Variants in MAF observed in about 807,000 individuals in gnomAD.
MAF encodes the protein transcription factor Maf.
In MAF, 10 loss-of-function variants were observed where a neutral mutation model predicts 22.0. That is an observed-to-expected ratio of 0.45 (90% CI 0.28 to 0.77). The LOEUF (loss-of-function observed/expected upper bound fraction) is 0.77. Among genes scored for constraint, MAF ranks in the 30% least tolerant of loss-of-function variants. The pLI is 0.12. For missense variants in MAF, 544 were observed against 548.4 expected (o/e 0.99, Z 0.08); for synonymous variants, 337 against 255.8 (o/e 1.32, Z -3.03).
At chr16:79,427,367 G>A in the MAF span, among the ~76,000 whole-genome samples, 5 of 152,228 alleles carry the variant, frequency 3.3e-5, no homozygotes. Context: ...AACATATGCT[G>A]CTACATCAAC....
the MAF span, among the ~76,000 whole-genome samples, chr16:79,283,492 T>C: frequency 4.7e-4 from 71 of 152,358 alleles, 1 homozygote; most frequent in South Asian, 2.3e-3. Context: ...AGTCCCAAAT[T>C]CTACATCCAA....
At chr16:79,296,120 CTTATCTGTAAAATGGGA>C in the MAF span, among the ~76,000 whole-genome samples, 2 of 152,148 alleles carry the variant, frequency 1.3e-5, no homozygotes, top group African/African-American at 4.8e-5. Flanking sequence ...CTTTCTTAGC[CTTATCTGTAAAATGGGA>C]TTATAGTAAA....
the MAF span, among the ~76,000 whole-genome samples, chr16:79,547,777 C>A: frequency 5.3e-5 from 8 of 152,078 alleles, no homozygotes; most frequent in African/African-American, 1.9e-4. Context: ...GAAAATAAGT[C>A]CAATACTGGA....
chr16:79,560,423 A>G, the MAF span, among the ~76,000 whole-genome samples: 2 of 121,572 alleles, frequency 1.6e-5, no homozygotes, highest in Non-Finnish European at 3.7e-5. Flanking sequence ...AGCAAGCTGA[A>G]AAAAAAAAAA....
the MAF span, among the ~76,000 whole-genome samples, chr16:79,455,425 C>T: frequency 6.6e-6 from 1 of 152,112 alleles, no homozygotes; most frequent in African/African-American, 2.4e-5. Flanking sequence ...CTAGTCTAAA[C>T]CCAGTAGACT....
the MAF span, among the ~76,000 whole-genome samples, chr16:79,551,141 C>A: frequency 2.0e-5 from 3 of 152,272 alleles, no homozygotes; most frequent in South Asian, 4.1e-4. Context: ...TAAGACTACA[C>A]CTCTGCCATT....
chr16:79,291,761 T>C, the MAF span, among the ~76,000 whole-genome samples: 4 of 147,412 alleles, frequency 2.7e-5, no homozygotes, highest in African/African-American at 1.0e-4. Flanking sequence ...CATTCAAAAG[T>C]ATATATTGAG....
chr16:79,301,975 G>A, the MAF span, among the ~76,000 whole-genome samples: 5 of 152,232 alleles, frequency 3.3e-5, no homozygotes, highest in East Asian at 3.8e-4. Flanking sequence ...GTCCTATGCC[G>A]AAGCCTGATG....
chr16:79,417,383 C>T, the MAF span, among the ~76,000 whole-genome samples: 1 of 152,212 alleles, frequency 6.6e-6, no homozygotes, highest in Admixed American at 6.5e-5. Context: ...ATCAAAAGAA[C>T]TCCTGGCAGT....
the MAF span, among the ~76,000 whole-genome samples, chr16:79,418,411 T>C: frequency 6.6e-6 from 1 of 152,096 alleles, no homozygotes; most frequent in Admixed American, 6.5e-5. Flanking sequence ...GGGACGATTA[T>C]TCACTCATTC....
chr16:79,430,230 T>C, the MAF span, among the ~76,000 whole-genome samples: 1 of 152,226 alleles, frequency 6.6e-6, no homozygotes, highest in Non-Finnish European at 1.5e-5. Context: ...AACATCTGCA[T>C]AATTTACTAG....
At chr16:79,430,562 C>G in the MAF span, among the ~76,000 whole-genome samples, 1 of 152,202 alleles carries the variant, frequency 6.6e-6, no homozygotes. Context: ...CCCCTCTGCC[C>G]GGCACACGGC....
the MAF span, among the ~76,000 whole-genome samples, chr16:79,466,548 C>G: frequency 6.6e-6 from 1 of 152,200 alleles, no homozygotes; most frequent in Admixed American, 6.5e-5. Context: ...CGGAGGCAAA[C>G]TTTGGATCTT....
the MAF span, among the ~76,000 whole-genome samples, chr16:79,455,523 T>A: frequency 6.6e-6 from 1 of 152,304 alleles, no homozygotes; most frequent in African/African-American, 2.4e-5. Context: ...CTTCAACTCC[T>A]CTAGTCTTCC....
At chr16:79,467,516 A>G in the MAF span, among the ~76,000 whole-genome samples, 2 of 152,210 alleles carry the variant, frequency 1.3e-5, no homozygotes, top group African/African-American at 4.8e-5. Flanking sequence ...AATTTGTCCG[A>G]AACCATACAG....
chr16:79,533,167 G>T, the MAF span, among the ~76,000 whole-genome samples: 2 of 152,128 alleles, frequency 1.3e-5, no homozygotes, highest in Admixed American at 6.5e-5. Flanking sequence ...CATTAGCCAA[G>T]AAATTATTTA....
At chr16:79,372,898 G>C in the MAF span, among the ~76,000 whole-genome samples, 75 of 152,104 alleles carry the variant, frequency 4.9e-4, no homozygotes, top group Non-Finnish European at 1.0e-3. Context: ...GCCTGCACTT[G>C]CCTCTTTCTA....
At chr16:79,212,124 G>A in the MAF span, 3 of 1,532,812 alleles carry the variant, frequency 2.0e-6, no homozygotes, top group Non-Finnish European at 1.7e-6. Context: ...TACTGTTATA[G>A]AATAGCCTGA....
the MAF span, among the ~76,000 whole-genome samples, chr16:79,236,942 C>CG: frequency 4.4e-5 from 3 of 68,104 alleles, no homozygotes; most frequent in Non-Finnish European, 7.5e-5. Context: ...CCATAAATCT[C>CG]GGAAAAAAAA....
Sources: gnomAD v4.1 joint callset for allele counts (sites outside exome capture counted in the v4.1 genomes callset) on GRCh38, gnomAD v4.1.1 for gene constraint, MANE v1.5 for transcripts, NCBI Gene and HGNC (gene_info 2026-07-23, HGNC 2026-07-21) for gene names.